TRMT9B: variants seen among roughly 807,000 people sequenced by gnomAD.
The protein encoded by TRMT9B is probable tRNA methyltransferase 9B.
Under a neutral mutation model 11.5 loss-of-function variants are expected in TRMT9B, and 16 were observed. The observed-to-expected ratio is 1.39, with a 90% CI of 0.94 to 2.11. The LOEUF is 2.11. Among genes scored for constraint, TRMT9B ranks in the 30% most tolerant of loss-of-function variants. The pLI, the probability that TRMT9B is intolerant of heterozygous loss-of-function variation, is 0.00. For synonymous variants in TRMT9B, 274 were observed against 192.4 expected (o/e 1.42, Z -3.51); for missense variants, 941 against 553.8 (o/e 1.70, Z -7.02).
At chr8:13,013,930 C>A (rs184122333) in intron 4 of TRMT9B, among the ~76,000 whole-genome samples, 1 of 151,992 alleles carries the variant, frequency 6.6e-6, no homozygotes, top group Non-Finnish European at 1.5e-5. Flanking sequence ...GCCTGGATGA[C>A]AAGAGTGAGA....
intron 2 of TRMT9B, among the ~76,000 whole-genome samples, chr8:12,995,126 A>G (rs556745782): frequency 4.1e-4 from 62 of 152,354 alleles, no homozygotes; most frequent in African/African-American, 1.5e-3. Flanking sequence ...TAATTTCCTA[A>G]TACTGTGGAA....
chr8:12,976,455 A>T lies in TRMT9B; in HGVS notation c.-199-14379A>T, dbSNP rs529115043. ...TATATTAGTTACATTAACATAGCAT[A>T]TGGGCCGGGTGCAGTGGCTCGTGCC... On this transcript the variant is annotated intron_variant, in intron 1 of 4. Coordinates refer to ENST00000524591, the MANE Select transcript of TRMT9B (RefSeq NM_020844.3). Among the ~76,000 whole-genome samples the T allele has an allele frequency of 2.6e-5, 4 of 151,914 alleles. No homozygotes were observed. The East Asian group carries it at 7.7e-4, about 29-fold the overall frequency.
chr8:12,946,903 GT>G (rs1242643523), intron 1 of TRMT9B, among the ~76,000 whole-genome samples: 1 of 152,172 alleles, frequency 6.6e-6, no homozygotes, highest in Admixed American at 6.5e-5. Flanking sequence ...GGTCTTCCAG[GT>G]TTCAGAGGTG....
At chr8:13,018,340 T>A (rs1813176956) in intron 4 of TRMT9B, among the ~76,000 whole-genome samples, 1 of 145,060 alleles carries the variant, frequency 6.9e-6, no homozygotes. Context: ...AGGCAGAGGC[T>A]GCAGCAAGCT....
chr8:13,010,090 A>T (rs1156757277), intron 3 of TRMT9B, among the ~76,000 whole-genome samples: 4 of 151,512 alleles, frequency 2.6e-5, no homozygotes, highest in Non-Finnish European at 5.9e-5. Flanking sequence ...GTGAGCCGAG[A>T]TGGTGCCACT....
At chr8:12,973,293 C>G (rs4831855) in intron 1 of TRMT9B, among the ~76,000 whole-genome samples, 16,258 of 152,182 alleles carry the variant, frequency 0.11, 870 homozygotes, top group South Asian at 0.12. Context: ...TGCCCCTTCC[C>G]TTGCCAGCAC....
At chr8:13,010,734 C>T in intron 3 of TRMT9B, 2 of 984,238 alleles carry the variant, frequency 2.0e-6, no homozygotes, top group Non-Finnish European at 2.4e-6. Context: ...CTAAAGTATC[C>T]CTCGAGCCAA....
rs945029818 is a variant in TRMT9B at position 13,024,491 on chromosome 8, C to G, written c.*2447C>G. 1 of 167,086 alleles carries G rather than the reference C, an allele frequency of 6.0e-6. No homozygotes were observed. Among genetic ancestry groups the G allele is most frequent in the Non-Finnish European group, 1.5e-5 (1 of 68,116 alleles). 10.4% of individuals were successfully genotyped at this position (167,086 alleles called of 1,614,324 possible). On this transcript the variant is annotated 3_prime_UTR_variant, in exon 5 of 5. Transcript: ENST00000524591. ...GAATGGATTGTTCCTCTCTCTGAAGCCTATTGTCACATGGGTTTTTAATCC... is the reference window on the plus strand; with the variant it reads ...GAATGGATTGTTCCTCTCTCTGAAGGCTATTGTCACATGGGTTTTTAATCC...
intron 4 of TRMT9B, among the ~76,000 whole-genome samples, chr8:13,018,905 A>G (rs1287833750): frequency 6.6e-6 from 1 of 152,218 alleles, no homozygotes; most frequent in Non-Finnish European, 1.5e-5. Context: ...CACCAACAAG[A>G]AGCACAAACA....
At chr8:12,969,471 C>G (rs531273818) in intron 1 of TRMT9B, among the ~76,000 whole-genome samples, 38 of 152,298 alleles carry the variant, frequency 2.5e-4, no homozygotes, top group African/African-American at 8.9e-4. Flanking sequence ...ATGCACAACT[C>G]TGTGATACAA....
intron 1 of TRMT9B, among the ~76,000 whole-genome samples, chr8:12,974,346 T>C (rs1262297759): frequency 6.6e-6 from 1 of 151,988 alleles, no homozygotes; most frequent in Non-Finnish European, 1.5e-5. Context: ...AAGCTGGAGA[T>C]GAGAAGTTTC....
intron 3 of TRMT9B, chr8:13,011,053 C>A: frequency 4.0e-6 from 2 of 494,356 alleles, no homozygotes; most frequent in Non-Finnish European, 5.2e-6. Context: ...GATGCTACCC[C>A]AGCTCACTGC....
At chr8:12,975,568 C>A (rs752206248) in intron 1 of TRMT9B, among the ~76,000 whole-genome samples, 1 of 151,988 alleles carries the variant, frequency 6.6e-6, no homozygotes, top group African/African-American at 2.4e-5. Flanking sequence ...GAAACCGAGT[C>A]TCTATTAAAA....
intron 2 of TRMT9B, among the ~76,000 whole-genome samples, chr8:13,002,165 G>T (rs1322019482): frequency 6.6e-6 from 1 of 152,202 alleles, no homozygotes; most frequent in Non-Finnish European, 1.5e-5. Flanking sequence ...CTTAGGGGAA[G>T]ATCTTGGGGG....
intron 1 of TRMT9B, among the ~76,000 whole-genome samples, chr8:12,957,214 A>G (rs903168637): frequency 2.0e-5 from 3 of 152,214 alleles, no homozygotes; most frequent in African/African-American, 7.2e-5. Context: ...ACAAAAAGGT[A>G]GCCAAGAGAG....
At chr8:12,963,891 C>G (rs17122516) in intron 1 of TRMT9B, among the ~76,000 whole-genome samples, 2,607 of 152,348 alleles carry the variant, frequency 0.017, 83 homozygotes, top group African/African-American at 0.06. Context: ...CATGTGGAAT[C>G]AGCCCATATG....
intron 1 of TRMT9B, among the ~76,000 whole-genome samples, chr8:12,973,863 C>T (rs989471768): frequency 6.6e-6 from 1 of 152,024 alleles, no homozygotes; most frequent in Non-Finnish European, 1.5e-5. Flanking sequence ...CAGTGCCAGT[C>T]GAAAAGAACA....
Position 13,022,059 on chromosome 8 carries a change from A to G in TRMT9B, c.*15A>G, listed in dbSNP as rs1398642001. 5 of 1,513,014 alleles carry G rather than the reference A, an allele frequency of 3.3e-6. No homozygotes were observed. The highest frequency in any genetic ancestry group is 3.5e-4 in the Middle Eastern group (2 of 5,676). 93.7% of individuals were successfully genotyped at this position (1,513,014 alleles called of 1,614,324 possible). A position where few individuals can be genotyped will look rare whatever the true frequency, so the allele number is the denominator to read the frequency against. Reference sequence around the variant, plus strand: ...GTTGTGATTGATTGGATCCTTTTAGACAACTCCTCCAAAAGATGAACCACA... The same window carrying G: ...GTTGTGATTGATTGGATCCTTTTAGGCAACTCCTCCAAAAGATGAACCACA... On this transcript the variant is annotated 3_prime_UTR_variant, in exon 5 of 5. Coordinates refer to ENST00000524591, the MANE Select transcript of TRMT9B (RefSeq NM_020844.3).
At chr8:12,963,438 C>G (rs1175447659) in intron 1 of TRMT9B, among the ~76,000 whole-genome samples, 2 of 151,112 alleles carry the variant, frequency 1.3e-5, no homozygotes, top group Non-Finnish European at 3.0e-5. Context: ...GTCACAAAAA[C>G]AAAACAAAAC....
Sources: allele counts gnomAD v4.1 joint callset (sites outside exome capture counted in the v4.1 genomes callset), GRCh38; gene constraint gnomAD v4.1.1; transcripts MANE v1.5; gene names NCBI Gene and HGNC (gene_info 2026-07-23, HGNC 2026-07-21).